MAPK10: variants seen among roughly 807,000 people sequenced by gnomAD.
MAPK10 encodes mitogen-activated protein kinase 10.
Under a neutral mutation model 59.3 loss-of-function variants are expected in MAPK10, and 25 were observed. The observed-to-expected ratio is 0.42, with a 90% confidence interval of 0.31 to 0.59. The LOEUF is 0.59. Ranked by LOEUF, MAPK10 falls within the 20% of genes least tolerant of loss-of-function variation. The pLI, the probability that MAPK10 is intolerant of heterozygous loss-of-function variation, is 0.15. For missense variants in MAPK10, 351 were observed against 568.9 expected, an observed-to-expected ratio of 0.62 and a Z score of 3.90; for synonymous variants, 190 against 200.5, an observed-to-expected ratio of 0.95 and a Z score of 0.44.
At chr4:86,151,809 T>C (rs978300746) in intron 4 of MAPK10, among the ~76,000 whole-genome samples, 1 of 152,234 alleles carries the variant, frequency 6.6e-6, no homozygotes, top group African/African-American at 2.4e-5. Flanking sequence ...CTCTGCTCCC[T>C]GATTATTTGC....
chr4:86,021,773 G>T (rs912293281), intron 13 of MAPK10, among the ~76,000 whole-genome samples: 1 of 152,248 alleles, frequency 6.6e-6, no homozygotes, highest in African/African-American at 2.4e-5. Flanking sequence ...GCTAAGGCCC[G>T]GCGAGAAATC....
intron 1 of MAPK10, among the ~76,000 whole-genome samples, chr4:86,428,804 A>G (rs1747650202): frequency 6.6e-6 from 1 of 152,244 alleles, no homozygotes; most frequent in Non-Finnish European, 1.5e-5. Context: ...CACAGTAAGC[A>G]GAATACAGCC....
At chr4:86,440,627 C>CAAA (rs59183601) in intron 1 of MAPK10, among the ~76,000 whole-genome samples, 1 of 108,618 alleles carries the variant, frequency 9.2e-6, no homozygotes, top group African/African-American at 3.7e-5. Flanking sequence ...GATCCTGTCT[C>CAAA]AAAAAAAAAA....
chr4:86,106,543 A>G (rs1036338251), intron 5 of MAPK10, among the ~76,000 whole-genome samples: 11 of 151,412 alleles, frequency 7.3e-5, no homozygotes, highest in African/African-American at 2.7e-4. Flanking sequence ...ATTAAGAAGA[A>G]GTGGAGCACA....
intron 2 of MAPK10, among the ~76,000 whole-genome samples, chr4:86,246,160 G>A (rs1040403547): frequency 4.6e-5 from 7 of 152,154 alleles, no homozygotes; most frequent in Admixed American, 1.3e-4. Flanking sequence ...GGCCAGGCGC[G>A]GTGGCTCACG....
intron 1 of MAPK10, among the ~76,000 whole-genome samples, chr4:86,579,876 C>T (rs1000327502): frequency 4.6e-5 from 7 of 152,098 alleles, no homozygotes; most frequent in South Asian, 2.1e-4. Flanking sequence ...TGCATTGGCA[C>T]GATCACAGCT....
intron 1 of MAPK10, among the ~76,000 whole-genome samples, chr4:86,472,929 G>A (rs570923347): frequency 6.6e-6 from 1 of 152,242 alleles, no homozygotes; most frequent in East Asian, 1.9e-4. Context: ...GGCCTTTTGA[G>A]CCCCTATGCT....
chr4:86,351,993 CTT>C (rs1564642934), intron 2 of MAPK10, among the ~76,000 whole-genome samples: 1 of 152,118 alleles, frequency 6.6e-6, no homozygotes, highest in East Asian at 1.9e-4. Context: ...CAAATTAATA[CTT>C]TTATGAGTAC....
chr4:86,546,121 G>A (rs1008403763), intron 1 of MAPK10, among the ~76,000 whole-genome samples: 51 of 152,176 alleles, frequency 3.4e-4, no homozygotes, highest in Non-Finnish European at 6.8e-4. Context: ...TACTTGGGAG[G>A]CTGAGGCAGA....
chr4:86,291,611 G>A (rs2095230177), intron 2 of MAPK10, among the ~76,000 whole-genome samples: 1 of 152,074 alleles, frequency 6.6e-6, no homozygotes, highest in Non-Finnish European at 1.5e-5. Context: ...AGATGCTACT[G>A]ATGAAAAAAT....
At chr4:86,166,948 G>GA (rs1487348025) in intron 3 of MAPK10, among the ~76,000 whole-genome samples, 1 of 151,882 alleles carries the variant, frequency 6.6e-6, no homozygotes, top group Non-Finnish European at 1.5e-5. Flanking sequence ...GATGGTTTTT[G>GA]AAAAACTAAA....
chr4:86,390,552 C>T (rs1044461816), intron 1 of MAPK10, among the ~76,000 whole-genome samples: 3 of 152,148 alleles, frequency 2.0e-5, no homozygotes, highest in Non-Finnish European at 2.9e-5. Flanking sequence ...CAGTTGGAGA[C>T]ATGTGTGCCT....
At chr4:86,024,623 T>C (rs1749263008) in intron 13 of MAPK10, 2 of 152,180 alleles carry the variant, frequency 1.3e-5, no homozygotes, top group African/African-American at 2.4e-5. Context: ...AGTATTCGAG[T>C]TAACAAAACA....
At chr4:86,144,702 T>C (rs956888103) in intron 4 of MAPK10, among the ~76,000 whole-genome samples, 6 of 152,144 alleles carry the variant, frequency 3.9e-5, no homozygotes, top group African/African-American at 1.4e-4. Context: ...AATGCAAAAA[T>C]CCCTTTGCAT....
intron 2 of MAPK10, among the ~76,000 whole-genome samples, chr4:86,313,593 G>A (rs2095714402): frequency 6.6e-6 from 1 of 152,076 alleles, no homozygotes; most frequent in Admixed American, 6.6e-5. Context: ...CATCCAAGTG[G>A]CCAAAAAGCA....
intron 2 of MAPK10, among the ~76,000 whole-genome samples, chr4:86,262,609 A>G (rs549987711): frequency 6.6e-6 from 1 of 152,350 alleles, no homozygotes; most frequent in South Asian, 2.1e-4. Flanking sequence ...CTTGACATAT[A>G]GTAGAACTGA....
intron 11 of MAPK10, among the ~76,000 whole-genome samples, chr4:86,040,610 C>G (rs542364082): frequency 6.6e-6 from 1 of 152,016 alleles, no homozygotes; most frequent in African/African-American, 2.4e-5. Flanking sequence ...GACATATTCA[C>G]GTAGAGGAAA....
intron 3 of MAPK10, among the ~76,000 whole-genome samples, chr4:86,179,196 T>G (rs145755642): frequency 1.3e-5 from 2 of 151,478 alleles, no homozygotes; most frequent in Non-Finnish European, 2.9e-5. Context: ...AGTGACTCCA[T>G]CTCAAAAATA....
intron 4 of MAPK10, among the ~76,000 whole-genome samples, chr4:86,138,945 G>A (rs62305532): frequency 1.3e-5 from 2 of 148,984 alleles, no homozygotes; most frequent in Non-Finnish European, 3.0e-5. Context: ...GCTTCAAAGA[G>A]AATAAAATAC....
Sources: allele counts gnomAD v4.1 joint callset (sites outside exome capture counted in the v4.1 genomes callset), GRCh38; gene constraint gnomAD v4.1.1; transcripts MANE v1.5; gene names NCBI Gene and HGNC (gene_info 2026-07-23, HGNC 2026-07-21).